The following GABRR2 variants were observed in gnomAD, a reference collection of about 807,000 sequenced individuals.
The protein encoded by GABRR2 is gamma-aminobutyric acid type A receptor subunit rho2.
Under a neutral mutation model 47.0 loss-of-function variants are expected in GABRR2, and 36 were observed. The ratio of observed to expected loss-of-function variants is 0.77; its 90% confidence interval spans 0.59 to 1.01. GABRR2 has a LOEUF of 1.01. GABRR2 is among the 50% of genes least tolerant of loss of function. The pLI, the probability that GABRR2 is intolerant of heterozygous loss-of-function variation, is 0.00. For synonymous variants in GABRR2, 204 were observed against 227.5 expected, an observed-to-expected ratio of 0.90 and a Z score of 0.93; for missense variants, 587 against 594.6, an observed-to-expected ratio of 0.99 and a Z score of 0.13.
chr6:89,284,122 T>C (rs1477559397), intron 2 of GABRR2, among the ~76,000 whole-genome samples: 1 of 152,056 alleles, frequency 6.6e-6, no homozygotes, highest in East Asian at 1.9e-4. Flanking sequence ...TAAGCAAAAC[T>C]AGTCCATGGA....
chr6:89,293,131 A>G (rs1774499397), intron 2 of GABRR2, among the ~76,000 whole-genome samples: 1 of 152,206 alleles, frequency 6.6e-6, no homozygotes, highest in Non-Finnish European at 1.5e-5. Context: ...TAAAAAAAGG[A>G]AATTCTATCA....
chr6:89,257,720 G>A lies in GABRR2; in HGVS notation c.1348C>T (p.Pro450Ser), dbSNP rs1453439814. The A allele has an allele frequency of 1.2e-6, 2 of 1,613,886 alleles. No homozygotes were observed. Among genetic ancestry groups the A allele is most frequent in the East Asian group, 2.2e-5 (1 of 44,888 alleles). Residue 450 changes from proline (P) to serine (S), a missense_variant, in exon 9 of 9, where the codon CCT becomes TCT. Coordinates refer to ENST00000402938, the MANE Select transcript of GABRR2 (RefSeq NM_002043.5). The part of the protein sequence containing the change: ...AIDKYSRLIF[P>S]ASYIFFNLIY... ...AAGTTGAAAAATATGTAGGAGGCAG[G>A]GAATATCAACCTAGAGTATTTGTCA...
intron 2 of GABRR2, among the ~76,000 whole-genome samples, chr6:89,298,601 C>T (rs961977743): frequency 6.6e-6 from 1 of 152,206 alleles, no homozygotes; most frequent in Non-Finnish European, 1.5e-5. Context: ...GGCCAAGGTT[C>T]ATCAACTGAA....
chr6:89,280,249 T>C (rs1398929689), intron 2 of GABRR2, among the ~76,000 whole-genome samples: 17 of 97,820 alleles, frequency 1.7e-4, no homozygotes, highest in South Asian at 1.4e-3. Flanking sequence ...TATATATATA[T>C]ATATACATAC....
rs1438306461 is a variant in GABRR2 at position 89,302,349 on chromosome 6, G to T, written c.114-2484C>A. On this transcript the variant is annotated intron_variant, in intron 1 of 8. Transcript: ENST00000402938. ...ACCCCATGCTGTCCATCCACCAGCT[G>T]GTGGAGAATACAGATGAGACCTACT... is the stretch of plus-strand genomic sequence containing the variant. The T allele has an allele frequency of 5.3e-6, 3 of 566,028 alleles. No homozygotes were observed. The Admixed American group carries it at 5.7e-5, about 11-fold the overall frequency. 35.1% of individuals were successfully genotyped at this position (566,028 alleles called of 1,614,324 possible). A position where few individuals can be genotyped will look rare whatever the true frequency, so the allele number is the denominator to read the frequency against.
chr6:89,306,954 A>G (rs1767578311), intron 1 of GABRR2, among the ~76,000 whole-genome samples: 1 of 152,218 alleles, frequency 6.6e-6, no homozygotes, highest in Admixed American at 6.5e-5. Context: ...CACTGAAGTT[A>G]CTTTGTGTAC....
chr6:89,297,644 CAGG>C (rs1216345459), intron 2 of GABRR2, among the ~76,000 whole-genome samples: 2 of 152,252 alleles, frequency 1.3e-5, no homozygotes, highest in Non-Finnish European at 2.9e-5. Context: ...CACTTGAGGT[CAGG>C]AGTTCAAGAC....
chr6:89,292,761 A>AAT lies in GABRR2; in HGVS notation c.220+6997_220+6998insAT, dbSNP rs1774478641. On this transcript the variant is annotated intron_variant, in intron 2 of 8. Coordinates refer to ENST00000402938, the MANE Select transcript of GABRR2 (RefSeq NM_002043.5). ...ATATATAATCGTATATATCGTATATACGATATATCGTATATATCGTATATA... is the reference window on the plus strand; with the variant it reads ...ATATATAATCGTATATATCGTATATAATCGATATATCGTATATATCGTATATA... Among the ~76,000 whole-genome samples, 10 of 53,076 alleles carry AAT rather than the reference A, an allele frequency of 1.9e-4. 1 individual carries two copies. Among genetic ancestry groups the AAT allele is most frequent in the African/African-American group, 8.3e-4 (9 of 10,786 alleles). The allele number at this position is 53,076 out of a possible 152,430, so 34.8% of individuals were successfully genotyped here.
chr6:89,285,186 C>T (rs6454747), intron 2 of GABRR2, among the ~76,000 whole-genome samples: 87,664 of 152,124 alleles, frequency 0.58, 25,363 homozygotes, highest in East Asian at 0.7. Flanking sequence ...AGCACCTGGG[C>T]TTCTCCCCAT....
chr6:89,298,293 C>G (rs1464958504), intron 2 of GABRR2, among the ~76,000 whole-genome samples: 2 of 152,164 alleles, frequency 1.3e-5, no homozygotes, highest in Non-Finnish European at 2.9e-5. Context: ...AAATTAATTT[C>G]TTAATCCCTT....
chr6:89,272,663 G>A (rs62416350), intron 2 of GABRR2, among the ~76,000 whole-genome samples: 15,779 of 152,268 alleles, frequency 0.1, 1,050 homozygotes, highest in Non-Finnish European at 0.15. Flanking sequence ...ATTGTCCAGA[G>A]GCCAGCCTAG....
chr6:89,306,644 G>A (rs1253062963), intron 1 of GABRR2, among the ~76,000 whole-genome samples: 2 of 152,108 alleles, frequency 1.3e-5, no homozygotes, highest in South Asian at 2.1e-4. Context: ...CTCTAAACCA[G>A]GTGACGGCAA....
At chr6:89,311,463 CCATT>C (rs1767680752) in intron 1 of GABRR2, among the ~76,000 whole-genome samples, 1 of 152,180 alleles carries the variant, frequency 6.6e-6, no homozygotes, top group Admixed American at 6.5e-5. Flanking sequence ...CATATGCTCT[CCATT>C]CATCCTTTCA....
rs780495391 is a variant in GABRR2, at chr6:89,299,834, T to C, written c.145A>G (p.Lys49Glu). 1 of 1,613,880 alleles carries C rather than the reference T, an allele frequency of 6.2e-7. No homozygotes were observed. Among genetic ancestry groups the C allele is most frequent in the South Asian group, 1.1e-5 (1 of 91,086 alleles). The change falls in exon 2 of 9, where the codon AAG becomes GAG. Residue 49 changes from lysine (K) to glutamate (E), a missense_variant. Lys to Glu is a moderately conservative substitution (Grantham distance 56). Transcript: ENST00000402938. Reference sequence around the variant, plus strand: ...TGCTGAGGCTTTCCCTTCCGGATCTTGGTCACATCAAGGTTCTTCTTATAT... The same window carrying C: ...TGCTGAGGCTTTCCCTTCCGGATCTCGGTCACATCAAGGTTCTTCTTATAT... ...HLYKKNLDVT[K>E]IRKGKPQQLL...
intron 3 of GABRR2, among the ~76,000 whole-genome samples, chr6:89,271,136 G>T (rs1235871450): frequency 3.3e-5 from 5 of 152,120 alleles, no homozygotes; most frequent in African/African-American, 1.2e-4. Flanking sequence ...TACAGAAGAA[G>T]GAAGAGAGGA....
At position 89,255,790 on chromosome 6, in the gene GABRR2, T is replaced by G. The variant is rs947278633; in HGVS notation, c.*1880A>C. ...TTGGCTGGTAGAGCTTCCTGGTCTT[T>G]AGGCTGCCCAGCCCAGTGCAGTAGC... On this transcript the variant is annotated 3_prime_UTR_variant, in exon 9 of 9. Coordinates refer to ENST00000402938, the MANE Select transcript of GABRR2 (RefSeq NM_002043.5). Among the ~76,000 whole-genome samples, 1 of 152,224 alleles carries G rather than the reference T, an allele frequency of 6.6e-6. No homozygotes were observed. Among genetic ancestry groups the G allele is most frequent in the African/African-American group, 2.4e-5 (1 of 41,458 alleles).
At chr6:89,305,892 C>A (rs1767550237) in intron 1 of GABRR2, among the ~76,000 whole-genome samples, 1 of 151,876 alleles carries the variant, frequency 6.6e-6, no homozygotes, top group Non-Finnish European at 1.5e-5. Context: ...TACAACAAAC[C>A]CCTGTGACAC....
chr6:89,262,738 C>G (rs1172960548), intron 8 of GABRR2, among the ~76,000 whole-genome samples: 1 of 152,154 alleles, frequency 6.6e-6, no homozygotes, highest in Non-Finnish European at 1.5e-5. Context: ...CTCCCTTATG[C>G]TAAAAGGCTA....
chr6:89,267,893 T>TGCCC, intron 5 of GABRR2, 74 bp from the exon 6 acceptor site: 1 of 1,594,148 alleles, frequency 6.3e-7, no homozygotes, highest in Non-Finnish European at 8.6e-7. Context: ...GGAAATCCTA[T>TGCCC]GCCAGTCCAG....
Sources: gnomAD v4.1 joint callset for allele counts (sites outside exome capture counted in the v4.1 genomes callset) on GRCh38, gnomAD v4.1.1 for gene constraint, MANE v1.5 for transcripts, NCBI Gene and HGNC (gene_info 2026-07-23, HGNC 2026-07-21) for gene names.